DCP1A: variants seen among roughly 807,000 people sequenced by gnomAD.
DCP1A encodes mRNA-decapping enzyme 1A.
In DCP1A, 20 loss-of-function variants were observed where a neutral mutation model predicts 58.0. The ratio of observed to expected loss-of-function variants is 0.34; its 90% confidence interval spans 0.24 to 0.50. DCP1A has a LOEUF of 0.50. Among genes scored for constraint, DCP1A ranks in the 20% least tolerant of loss-of-function variants. The pLI is 0.98. For synonymous variants in DCP1A, 285 were observed against 275.1 expected, an observed-to-expected ratio of 1.04 and a Z score of -0.36; for missense variants, 613 against 712.2, an observed-to-expected ratio of 0.86 and a Z score of 1.59.
chr3:53,326,983 C>A (rs183794626), intron 3 of DCP1A, among the ~76,000 whole-genome samples: 36 of 150,404 alleles, frequency 2.4e-4, no homozygotes, highest in East Asian at 1.4e-3. Context: ...CCAACCCCCC[C>A]CCCCCAACTG....
intron 6 of DCP1A, among the ~76,000 whole-genome samples, chr3:53,303,262 C>T (rs1707367436): frequency 6.6e-6 from 1 of 150,438 alleles, no homozygotes; most frequent in African/African-American, 2.5e-5. Context: ...AGGGGTGTTA[C>T]TGTTATTATT....
intron 6 of DCP1A, among the ~76,000 whole-genome samples, chr3:53,298,090 C>T (rs1707188367): frequency 6.6e-6 from 1 of 152,150 alleles, no homozygotes; most frequent in Non-Finnish European, 1.5e-5. Context: ...AGGTGGTGTG[C>T]ACCTGTGGTC....
chr3:53,330,145 C>A (rs1480154701), intron 3 of DCP1A, among the ~76,000 whole-genome samples: 2 of 152,142 alleles, frequency 1.3e-5, no homozygotes, highest in Non-Finnish European at 2.9e-5. Context: ...AATCACAGAC[C>A]TTAAATCATT....
chr3:53,344,824 T>C (rs2089272650), intron 2 of DCP1A, 78 bp downstream of exon 2: 2 of 1,112,148 alleles, frequency 1.8e-6, no homozygotes, highest in African/African-American at 1.6e-5. Context: ...CAAAGACAAA[T>C]GTACAAGAGA....
intron 3 of DCP1A, among the ~76,000 whole-genome samples, chr3:53,322,597 A>G (rs1402060459): frequency 2.0e-5 from 3 of 152,058 alleles, no homozygotes; most frequent in Admixed American, 2.0e-4. Context: ...TAATGAATGA[A>G]GATCATGAAC....
At position 53,292,699 on chromosome 3, in the gene DCP1A, C is replaced by T. The variant is rs782700313; in HGVS notation, c.753G>A (p.Gln251=). 1.2e-6 allele frequency: 2 copies of T among 1,613,848 alleles called. No individual in the cohort carries two copies. Among genetic ancestry groups the T allele is most frequent in the Non-Finnish European group, 1.7e-6 (2 of 1,179,862 alleles). Residue 251 remains glutamine, a synonymous_variant, in exon 7 of 10, where the codon CAG becomes CAA. Coordinates refer to ENST00000610213, the MANE Select transcript of DCP1A (RefSeq NM_018403.7). ...EMERLPGDAS[Q]KEPNSFLPFP... The stretch of plus-strand genomic sequence containing the variant: ...ATGGTAGGAATGAATTGGGCTCTTT[C>T]TGGGAGGCATCTCCTGGCAACCTCT...
At chr3:53,330,829 T>A (rs115188028) in intron 3 of DCP1A, among the ~76,000 whole-genome samples, 4,806 of 123,556 alleles carry the variant, frequency 0.039, 153 homozygotes, top group East Asian at 0.13. Context: ...ATATATATTT[T>A]TTTTTTTTTT....
intron 4 of DCP1A, among the ~76,000 whole-genome samples, chr3:53,316,365 T>G (rs1707813007): frequency 6.6e-6 from 1 of 152,282 alleles, no homozygotes; most frequent in East Asian, 1.9e-4. Context: ...TACAATATTC[T>G]CTTCAGCTAT....
intron 3 of DCP1A, among the ~76,000 whole-genome samples, chr3:53,325,193 C>T (rs1047644512): frequency 5.3e-5 from 8 of 152,174 alleles, no homozygotes; most frequent in African/African-American, 1.7e-4. Flanking sequence ...GAGAGAGGTA[C>T]ATGGCTCACA....
chr3:53,316,407 A>G (rs183148936), intron 4 of DCP1A, among the ~76,000 whole-genome samples: 2 of 151,968 alleles, frequency 1.3e-5, no homozygotes, highest in African/African-American at 4.8e-5. Flanking sequence ...CTCATTATCA[A>G]CAGTTTCACC....
chr3:53,315,372 T>C (rs541406368), intron 4 of DCP1A, among the ~76,000 whole-genome samples: 1 of 151,866 alleles, frequency 6.6e-6, no homozygotes, highest in African/African-American at 2.4e-5. Context: ...ACCCTGTCTC[T>C]ACTAAAAATA....
chr3:53,326,442 G>A (rs1708104536), intron 3 of DCP1A, among the ~76,000 whole-genome samples: 3 of 152,198 alleles, frequency 2.0e-5, no homozygotes, highest in Admixed American at 2.0e-4. Context: ...TCCAAAGTGT[G>A]GTGTAAATCA....
At chr3:53,345,894 AT>A (rs2089285931) in intron 1 of DCP1A, among the ~76,000 whole-genome samples, 1 of 152,178 alleles carries the variant, frequency 6.6e-6, no homozygotes, top group Non-Finnish European at 1.5e-5. Flanking sequence ...ACCAAAAAAC[AT>A]CATGCAAAGT....
intron 6 of DCP1A, among the ~76,000 whole-genome samples, chr3:53,300,695 T>G (rs550200351): frequency 6.6e-6 from 1 of 152,308 alleles, no homozygotes; most frequent in South Asian, 2.1e-4. Flanking sequence ...TCGCCCAGGC[T>G]GGAGTGCAGT....
In DCP1A at chr3:53,292,705, G is replaced by C. The variant is rs1553686312; in HGVS notation, c.747C>G (p.Ala249=). The C allele has an allele frequency of 6.2e-7, 1 of 1,613,798 alleles. No homozygotes were observed. The highest frequency in any genetic ancestry group is 2.2e-5 in the East Asian group (1 of 44,850). Residue 249 remains alanine, a synonymous_variant, in exon 7 of 10, where the codon GCC becomes GCG. Coordinates refer to ENST00000610213, the MANE Select transcript of DCP1A (RefSeq NM_018403.7). ...SEEMERLPGD[A]SQKEPNSFLP... is the part of the protein sequence containing the mutation. Reference sequence around the variant, plus strand: ...GGAATGAATTGGGCTCTTTCTGGGAGGCATCTCCTGGCAACCTCTCCATTT... The same window carrying C: ...GGAATGAATTGGGCTCTTTCTGGGACGCATCTCCTGGCAACCTCTCCATTT...
At chr3:53,297,555 T>G (rs1240880227) in intron 6 of DCP1A, among the ~76,000 whole-genome samples, 2 of 152,052 alleles carry the variant, frequency 1.3e-5, no homozygotes, top group Non-Finnish European at 2.9e-5. Flanking sequence ...GAGATGGCAT[T>G]TCACCATGTT....
intron 4 of DCP1A, among the ~76,000 whole-genome samples, chr3:53,316,047 C>A (rs1357122886): frequency 6.6e-6 from 1 of 152,136 alleles, no homozygotes; most frequent in African/African-American, 2.4e-5. Flanking sequence ...AGCCACCGCG[C>A]CCAGCCTGGA....
intron 6 of DCP1A, among the ~76,000 whole-genome samples, chr3:53,294,237 C>A (rs187753322): frequency 1.2e-4 from 18 of 152,236 alleles, no homozygotes; most frequent in Admixed American, 1.2e-3. Context: ...ACTTGGTCGG[C>A]CACATAAAGG....
chr3:53,337,991 G>T, intron 3 of DCP1A: 1 of 281,604 alleles, frequency 3.6e-6, no homozygotes, highest in South Asian at 3.2e-5. Context: ...TCTAGAATAT[G>T]GATTGATGAA....
Sources: gnomAD v4.1 joint callset for allele counts (sites outside exome capture counted in the v4.1 genomes callset) on GRCh38, gnomAD v4.1.1 for gene constraint, MANE v1.5 for transcripts, NCBI Gene and HGNC (gene_info 2026-07-23, HGNC 2026-07-21) for gene names.